HNRNPM: variants seen among roughly 807,000 people sequenced by gnomAD.
The protein encoded by HNRNPM is heterogeneous nuclear ribonucleoprotein M, also known as CEA receptor.
A neutral mutation model predicts 73.1 loss-of-function variants in HNRNPM; 11 were observed. That is an observed-to-expected ratio of 0.15 (90% CI 0.09 to 0.25). The LOEUF (loss-of-function observed/expected upper bound fraction) is 0.25. Ranked by LOEUF, HNRNPM falls within the 10% of genes least tolerant of loss-of-function variation. The pLI is 1.00. For synonymous variants in HNRNPM, 407 were observed against 355.2 expected (o/e 1.15, Z -1.64); for missense variants, 789 against 1,067.9 (o/e 0.74, Z 3.64).
At chr19:8,446,532 C>T (rs540471304) in intron 1 of HNRNPM, among the ~76,000 whole-genome samples, 3 of 152,272 alleles carry the variant, frequency 2.0e-5, no homozygotes, top group East Asian at 1.9e-4. Context: ...ATCTCAGCCT[C>T]CTGAGTAGCT....
chr19:8,478,528 G>A (rs983991647), intron 12 of HNRNPM, among the ~76,000 whole-genome samples: 6 of 152,146 alleles, frequency 3.9e-5, no homozygotes, highest in African/African-American at 1.4e-4. Context: ...GCTGGGGTCC[G>A]CCCTCTGGGG....
At chr19:8,470,717 G>A (rs143131323) in intron 9 of HNRNPM, among the ~76,000 whole-genome samples, 1 of 152,290 alleles carries the variant, frequency 6.6e-6, no homozygotes, top group African/African-American at 2.4e-5. Flanking sequence ...TCTTTTGGCT[G>A]TTTCCAGAGA....
At chr19:8,484,176 T>TC (rs201839313) in intron 13 of HNRNPM, among the ~76,000 whole-genome samples, 6 of 140,388 alleles carry the variant, frequency 4.3e-5, no homozygotes, top group African/African-American at 8.1e-5. Flanking sequence ...CCCATTTCTT[T>TC]TTTTTTTTTT....
chr19:8,461,623 C>G (rs769782166), intron 2 of HNRNPM, among the ~76,000 whole-genome samples: 5 of 152,166 alleles, frequency 3.3e-5, no homozygotes, highest in Non-Finnish European at 7.3e-5. Context: ...TCTGCAGAAA[C>G]TTTTGAAATG....
intron 1 of HNRNPM, 150 bp downstream of exon 1, chr19:8,445,261 A>G (rs952374198): frequency 2.5e-5 from 15 of 606,948 alleles, no homozygotes; most frequent in Non-Finnish European, 3.7e-5. Flanking sequence ...AGCGGCGTCT[A>G]GGGCCGTGAG....
chr19:8,449,160 G>A (rs1457377779), intron 1 of HNRNPM, among the ~76,000 whole-genome samples: 2 of 152,238 alleles, frequency 1.3e-5, no homozygotes, highest in Non-Finnish European at 2.9e-5. Flanking sequence ...GTGAGCTCAA[G>A]ATTAGAAGAC....
In HNRNPM at chr19:8,467,254, G is replaced by A. The variant is rs1000139615; in HGVS notation, c.785-281G>A. Among the ~76,000 whole-genome samples, 38 of 152,170 alleles carry A rather than the reference G, an allele frequency of 2.5e-4. 1 individual carries two copies. Among genetic ancestry groups the A allele is most frequent in the African/African-American group, 9.2e-4 (38 of 41,422 alleles). On this transcript the variant is annotated intron_variant, in intron 7 of 15. Coordinates refer to ENST00000325495, the MANE Select transcript of HNRNPM (RefSeq NM_005968.5). Reference sequence around the variant, plus strand: ...GCCTGGCCCATTGGTCACATTCAGAGAACCTTGATGCCACTGCTTAAGAGG... The same window carrying A: ...GCCTGGCCCATTGGTCACATTCAGAAAACCTTGATGCCACTGCTTAAGAGG...
chr19:8,463,376 C>A, intron 3 of HNRNPM, 121 bp from the exon 4 acceptor site: 1 of 1,158,648 alleles, frequency 8.6e-7, no homozygotes. Context: ...TTTTAAAAGA[C>A]TAACTTTGTG....
rs568520166 is a variant in HNRNPM at position 8,449,307 on chromosome 19, A to G, written c.113+4196A>G. ...TTTTTTTGGGAGGGGGGGTTCTCCA[A>G]TGGACTTCCCCATTACCATATTTTG... is the stretch of plus-strand genomic sequence containing the variant. On this transcript the variant is annotated intron_variant, in intron 1 of 15. Transcript: ENST00000325495. 5.3e-5 allele frequency among the ~76,000 whole-genome samples: 8 copies of G among 152,286 alleles called. No homozygotes were observed. The South Asian group carries it at 1.0e-3, about 20-fold the overall frequency.
chr19:8,485,515 A>G, intron 13 of HNRNPM, 88 bp from the exon 14 acceptor site: 1 of 1,309,676 alleles, frequency 7.6e-7, no homozygotes, highest in Non-Finnish European at 1.1e-6. Flanking sequence ...CCCCTGATCC[A>G]TGCCCATGAG....
At chr19:8,451,357 C>T (rs1968609774) in intron 1 of HNRNPM, among the ~76,000 whole-genome samples, 1 of 152,106 alleles carries the variant, frequency 6.6e-6, no homozygotes, top group Admixed American at 6.5e-5. Context: ...GTTAAAAAGA[C>T]TTGCAGAGTT....
At chr19:8,484,173 CTTTTTTTTTTTTTTTTT>C (rs33931165) in intron 13 of HNRNPM, among the ~76,000 whole-genome samples, 1 of 110,166 alleles carries the variant, frequency 9.1e-6, no homozygotes, top group Non-Finnish European at 1.9e-5. Context: ...CCTCCCATTT[CTTTTTTTTTTTTTTTTT>C]TTGAGAGACG....
chr19:8,445,331 C>G, intron 1 of HNRNPM: 1 of 403,948 alleles, frequency 2.5e-6, no homozygotes, highest in Non-Finnish European at 4.3e-6. Flanking sequence ...CCTCGCCACC[C>G]TCAGTCCCTC....
At chr19:8,488,332 C>G (rs1451773009) in intron 15 of HNRNPM, 1 of 218,494 alleles carries the variant, frequency 4.6e-6, no homozygotes, top group African/African-American at 2.2e-5. Flanking sequence ...ACAGACGTGT[C>G]CATTGGATTG....
chr19:8,486,998 A>G (rs1971361685), intron 14 of HNRNPM, 26 bp from the exon 15 acceptor site: 4 of 1,600,644 alleles, frequency 2.5e-6, no homozygotes, highest in South Asian at 1.1e-5. Flanking sequence ...ATCACGCATC[A>G]GTCTCCCTTT....
At chr19:8,487,529 G>A (rs1971399923) in intron 15 of HNRNPM, 1 of 175,042 alleles carries the variant, frequency 5.7e-6, no homozygotes, top group South Asian at 1.0e-4. Flanking sequence ...TGAGGGTGAG[G>A]CTAAGGTCTT....
intron 1 of HNRNPM, among the ~76,000 whole-genome samples, chr19:8,451,339 A>G (rs888109573): frequency 6.6e-6 from 1 of 152,138 alleles, no homozygotes; most frequent in South Asian, 2.1e-4. Context: ...CACCGCGCCC[A>G]GCCAAAAGTT....
intron 2 of HNRNPM, among the ~76,000 whole-genome samples, chr19:8,459,649 T>TTTTTTC (rs1969268628): frequency 6.6e-6 from 1 of 152,146 alleles, no homozygotes; most frequent in South Asian, 2.1e-4. Context: ...TATTCCCTCT[T>TTTTTTC]TTTTTCTTTT....
intron 13 of HNRNPM, among the ~76,000 whole-genome samples, 164 bp downstream of exon 13, chr19:8,483,375 T>C (rs556500211): frequency 2.0e-5 from 3 of 152,292 alleles, no homozygotes; most frequent in Admixed American, 1.3e-4. Context: ...TCACTGAACC[T>C]CTCTGTTTCT....
Sources: allele counts gnomAD v4.1 joint callset (sites outside exome capture counted in the v4.1 genomes callset), GRCh38; gene constraint gnomAD v4.1.1; transcripts MANE v1.5; gene names NCBI Gene and HGNC (gene_info 2026-07-23, HGNC 2026-07-21).